The following LINGO1 variants were observed in gnomAD, a reference collection of about 807,000 sequenced individuals.
LINGO1 encodes the protein leucine rich repeat and Ig domain containing 1, also known as leucine-rich repeat and immunoglobulin-like domain-containing nogo receptor-interacting protein 1.
LINGO1 carries 11 observed loss-of-function variants against 37.3 expected under a neutral mutation model. The observed-to-expected ratio is 0.29, with a 90% CI of 0.19 to 0.49. LINGO1 has a LOEUF of 0.49. Among genes scored for constraint, LINGO1 ranks in the 20% least tolerant of loss-of-function variants. The probability of loss-of-function intolerance (pLI) is 0.99; values close to 1 mark genes in which losing one functional copy is unlikely to be tolerated. For synonymous variants in LINGO1, 387 were observed against 403.0 expected, an observed-to-expected ratio of 0.96 and a Z score of 0.48; for missense variants, 585 against 878.2, an observed-to-expected ratio of 0.67 and a Z score of 4.22.
intron 3 of LINGO1, among the ~76,000 whole-genome samples, chr15:77,639,657 G>C (rs1788276520): frequency 6.6e-6 from 1 of 152,184 alleles, no homozygotes; most frequent in African/African-American, 2.4e-5. Context: ...AGCTATGTTG[G>C]AGTTACTTGC....
chr15:77,630,755 C>T (rs1002021297), intron 1 of LINGO1, among the ~76,000 whole-genome samples: 1 of 152,194 alleles, frequency 6.6e-6, no homozygotes, highest in African/African-American at 2.4e-5. Context: ...ACAAGAACAC[C>T]ACAGGGTGCC....
At chr15:77,702,742 C>G (rs1230238757) in intron 2 of LINGO1, among the ~76,000 whole-genome samples, 1 of 152,202 alleles carries the variant, frequency 6.6e-6, no homozygotes, top group Non-Finnish European at 1.5e-5. Context: ...CACACACACA[C>G]ACCAATGGCT....
At position 77,703,382 on chromosome 15, in the gene LINGO1, G is replaced by A. The variant is rs567471307; in HGVS notation, c.-194-12481C>T. ...GTCCTCGTGGGTTTTCAGTTCCTAC[G>A]AGGGTTTTGAGCCAGGAGGAGGGAA... On this transcript the variant is annotated intron_variant, in intron 2 of 3. Transcript: ENST00000561686. 2.6e-5 allele frequency among the ~76,000 whole-genome samples: 4 copies of A among 152,262 alleles called. No individual in the cohort carries two copies. In the South Asian group the frequency reaches 6.2e-4, roughly 24 times the overall value.
At chr15:77,664,837 T>A (rs2075095567) in intron 3 of LINGO1, among the ~76,000 whole-genome samples, 1 of 152,144 alleles carries the variant, frequency 6.6e-6, no homozygotes, top group Non-Finnish European at 1.5e-5. Context: ...GAAGGGTGTG[T>A]CCCTGTGGGG....
At chr15:77,705,844 C>A (rs1028245271) in intron 2 of LINGO1, among the ~76,000 whole-genome samples, 3 of 152,132 alleles carry the variant, frequency 2.0e-5, no homozygotes, top group Non-Finnish European at 2.9e-5. Flanking sequence ...CAGGTGAAGA[C>A]CACCACGGTC....
At chr15:77,737,613 C>T (rs544169361) in intron 1 of LINGO1, among the ~76,000 whole-genome samples, 2 of 152,240 alleles carry the variant, frequency 1.3e-5, no homozygotes, top group East Asian at 1.9e-4. Flanking sequence ...GTTCTGTCCC[C>T]ACCACTCCAC....
chr15:77,651,590 A>C (rs895634879), intron 3 of LINGO1: 1 of 152,240 alleles, frequency 6.6e-6, no homozygotes, highest in African/African-American at 2.4e-5. Flanking sequence ...CTAGGTGTTC[A>C]GGGTTCTTTA....
intron 3 of LINGO1, among the ~76,000 whole-genome samples, chr15:77,654,953 A>G (rs1184141355): frequency 1.3e-5 from 2 of 152,188 alleles, no homozygotes; most frequent in Non-Finnish European, 1.5e-5. Context: ...TCTCTGCTCA[A>G]GGGAACAAAG....
rs1335848522 is a variant in LINGO1 at position 77,632,656 on chromosome 15, C to A, written c.-341G>T. Among the ~76,000 whole-genome samples the A allele has an allele frequency of 2.1e-5, 3 of 145,862 alleles. 1 individual carries two copies. Among genetic ancestry groups the A allele is most frequent in the Non-Finnish European group, 4.6e-5 (3 of 65,684 alleles). On this transcript the variant is annotated 5_prime_UTR_variant, in exon 1 of 2. Transcript: ENST00000355300. The surrounding 1 kb of genome is among the most constrained non-coding windows in gnomAD (Gnocchi z 6.0). ...CCGGAGCCGCCGCCGCCGCCTCTGCCGCTGGGGCCGGGGTCGAGGCCGGGC... is the reference window on the plus strand; with the variant it reads ...CCGGAGCCGCCGCCGCCGCCTCTGCAGCTGGGGCCGGGGTCGAGGCCGGGC...
At chr15:77,743,206 C>G (rs914554555) in intron 1 of LINGO1, among the ~76,000 whole-genome samples, 1 of 152,168 alleles carries the variant, frequency 6.6e-6, no homozygotes, top group East Asian at 1.9e-4. Flanking sequence ...TCGTAGGCAG[C>G]ACCTTTCCCT....
intron 1 of LINGO1, among the ~76,000 whole-genome samples, chr15:77,627,543 T>G (rs538560278): frequency 6.6e-6 from 1 of 152,280 alleles, no homozygotes; most frequent in East Asian, 1.9e-4. Flanking sequence ...ATTTGTTCCA[T>G]CCGGGGTTCA....
intron 2 of LINGO1, among the ~76,000 whole-genome samples, chr15:77,795,329 C>T (rs1033142519): frequency 2.6e-5 from 4 of 152,156 alleles, no homozygotes; most frequent in East Asian, 1.9e-4. Context: ...GAGGACCTGT[C>T]GCCTCCCACA....
intron 3 of LINGO1, among the ~76,000 whole-genome samples, chr15:77,674,585 G>C (rs1389778590): frequency 6.6e-6 from 1 of 152,054 alleles, no homozygotes; most frequent in African/African-American, 2.4e-5. Context: ...CCATAAGCCA[G>C]GTCTGCTCCT....
At chr15:77,626,756 CATT>C (rs1383150348) in intron 1 of LINGO1, among the ~76,000 whole-genome samples, 3 of 152,180 alleles carry the variant, frequency 2.0e-5, no homozygotes, top group African/African-American at 7.2e-5. Context: ...TCCGATGAGA[CATT>C]AGACGGCTCA....
intron 2 of LINGO1, among the ~76,000 whole-genome samples, chr15:77,702,440 C>T (rs2075796271): frequency 6.6e-6 from 1 of 152,136 alleles, no homozygotes; most frequent in Admixed American, 6.5e-5. Context: ...CCCCACCCTC[C>T]ACCCCAGGGG....
chr15:77,708,180 G>C (rs2075875473), intron 2 of LINGO1, among the ~76,000 whole-genome samples: 1 of 152,258 alleles, frequency 6.6e-6, no homozygotes, highest in Non-Finnish European at 1.5e-5. Context: ...GACCCAGGCT[G>C]AGTCCTGGAG....
chr15:77,711,123 T>A (rs1413786338), intron 2 of LINGO1, among the ~76,000 whole-genome samples: 1 of 152,092 alleles, frequency 6.6e-6, no homozygotes, highest in East Asian at 1.9e-4. Context: ...AACTCGCACC[T>A]CCCTTCAAAA....
Position 77,774,332 on chromosome 15 carries a change from C to T in LINGO1, c.-257+12537G>A, listed in dbSNP as rs74025776. On this transcript the variant is annotated intron_variant, in intron 1 of 3. Coordinates refer to the LINGO1 transcript ENST00000561686. ...CAGACTCTGCCAACAGCCCTCAGCC[C>T]TCTGCCCACCTCTCCCAGGGCCTAT... Among the ~76,000 whole-genome samples the T allele has an allele frequency of 5.8e-3, 884 of 152,166 alleles. 14 individuals are homozygous for T. Among genetic ancestry groups the T allele is most frequent in the African/African-American group, 0.02 (833 of 41,464 alleles).
At chr15:77,722,664 T>C (rs2076061970) in intron 2 of LINGO1, among the ~76,000 whole-genome samples, 1 of 152,244 alleles carries the variant, frequency 6.6e-6, no homozygotes, top group South Asian at 2.1e-4. Context: ...TTCTGTCTTT[T>C]AAAGGGTCCT....
Sources: gnomAD v4.1 joint callset for allele counts (sites outside exome capture counted in the v4.1 genomes callset) on GRCh38, gnomAD v4.1.1 for gene constraint, Gnocchi (gnomAD v3.1) non-coding constraint, MANE v1.5 for transcripts, NCBI Gene and HGNC (gene_info 2026-07-23, HGNC 2026-07-21) for gene names.